Variants in ALCAM observed in about 807,000 individuals in gnomAD.
ALCAM encodes the protein activated leukocyte cell adhesion molecule.
ALCAM carries 30 observed loss-of-function variants against 70.9 expected under a neutral mutation model. That is an observed-to-expected ratio of 0.42 (90% CI 0.32 to 0.57). ALCAM has a LOEUF of 0.57. Among genes scored for constraint, ALCAM ranks in the 20% least tolerant of loss-of-function variants. ALCAM has a pLI of 0.11. For synonymous variants in ALCAM, 249 were observed against 242.5 expected (o/e 1.03, Z -0.25); for missense variants, 591 against 695.1 (o/e 0.85, Z 1.68).
At chr3:105,375,325 A>T (rs906166165) in intron 1 of ALCAM, among the ~76,000 whole-genome samples, 2 of 152,212 alleles carry the variant, frequency 1.3e-5, no homozygotes, top group African/African-American at 4.8e-5. Flanking sequence ...TACAGGCTCC[A>T]CAATAATTTG....
rs551970548 is a variant in ALCAM, at chr3:105,453,167, T to A, written c.74-66900T>A. Among the ~76,000 whole-genome samples the A allele has an allele frequency of 3.9e-4, 59 of 152,348 alleles. 1 individual carries two copies. Among genetic ancestry groups the A allele is most frequent in the African/African-American group, 9.9e-4 (41 of 41,576 alleles). On this transcript the variant is annotated intron_variant, in intron 1 of 15. Transcript: ENST00000306107. ...TTGCCTATGCCTACATCCTGAATGGTATTGCCTAGGTTTTCTTCCAGGGTT... is the reference window on the plus strand; with the variant it reads ...TTGCCTATGCCTACATCCTGAATGGAATTGCCTAGGTTTTCTTCCAGGGTT...
rs1427771711 is a variant in ALCAM at position 105,409,177 on chromosome 3, T to C, written c.73+41696T>C. On this transcript the variant is annotated intron_variant, in intron 1 of 15. Transcript: ENST00000306107. The stretch of plus-strand genomic sequence containing the variant: ...AACTAAAAGTAGATCTACTATTTGA[T>C]CCAGCAATCCCGCCACTAGGTATCT... 2.0e-5 allele frequency among the ~76,000 whole-genome samples: 3 copies of C among 152,086 alleles called. No homozygotes were observed. The East Asian group carries it at 5.8e-4, about 29-fold the overall frequency.
chr3:105,475,887 C>A (rs1280210115), intron 1 of ALCAM, among the ~76,000 whole-genome samples: 1 of 151,832 alleles, frequency 6.6e-6, no homozygotes, highest in Non-Finnish European at 1.5e-5. Context: ...CCTTCCCCAA[C>A]TCTTCTATCA....
At position 105,367,328 on chromosome 3, in the gene ALCAM, C is replaced by G. The variant is rs1935085150; in HGVS notation, c.-81C>G. ...GCCCCTGCGTCGGGACCCGCCAGCG[C>G]GCGGGCACCGCGGGGCCCGGGACGA... On this transcript the variant is annotated 5_prime_UTR_variant, in exon 1 of 16. Coordinates refer to ENST00000306107, the MANE Select transcript of ALCAM (RefSeq NM_001627.4). 1.4e-6 allele frequency: 2 copies of G among 1,466,692 alleles called. No homozygotes were observed. The highest frequency in any genetic ancestry group is 1.9e-6 in the Non-Finnish European group (2 of 1,060,164). 90.9% of individuals were successfully genotyped at this position (1,466,692 alleles called of 1,614,324 possible). A position where few individuals can be genotyped will look rare whatever the true frequency, so the allele number is the denominator to read the frequency against.
At chr3:105,454,021 A>G (rs1046181866) in intron 1 of ALCAM, among the ~76,000 whole-genome samples, 12 of 152,292 alleles carry the variant, frequency 7.9e-5, no homozygotes, top group Non-Finnish European at 1.2e-4. Flanking sequence ...AAATCATCCT[A>G]TGTGCTATCA....
At chr3:105,530,824 TA>T (rs1386929554) in intron 3 of ALCAM, among the ~76,000 whole-genome samples, 3 of 152,056 alleles carry the variant, frequency 2.0e-5, no homozygotes, top group Non-Finnish European at 2.9e-5. Context: ...GTTTCTCATA[TA>T]ATCTAAAGAT....
intron 1 of ALCAM, among the ~76,000 whole-genome samples, chr3:105,378,636 T>G (rs1052822269): frequency 1.3e-5 from 2 of 151,816 alleles, no homozygotes; most frequent in Non-Finnish European, 2.9e-5. Flanking sequence ...ATAGTTTTTT[T>G]TTTTTTTTTG....
In ALCAM at chr3:105,429,578, GTATT is replaced by G. The variant is rs529080478; in HGVS notation, c.73+62100_73+62103del. ...TAAGCTAGCACTATAAACAAAAAGA[GTATT>G]TAAACAGCTGGTATCCCTGTGACCC... On this transcript the variant is annotated intron_variant, in intron 1 of 15. Transcript: ENST00000306107. Among the ~76,000 whole-genome samples, 64 of 152,028 alleles carry G rather than the reference GTATT, an allele frequency of 4.2e-4. 1 individual carries two copies. The highest frequency in any genetic ancestry group is 1.4e-3 in the African/African-American group (58 of 41,516).
chr3:105,469,561 T>C (rs1477018008), intron 1 of ALCAM, among the ~76,000 whole-genome samples: 1 of 151,104 alleles, frequency 6.6e-6, no homozygotes, highest in Non-Finnish European at 1.5e-5. Flanking sequence ...CTAGGTGAGT[T>C]TGGGTGAGTT....
chr3:105,534,176 T>C (rs1395219724), intron 5 of ALCAM, among the ~76,000 whole-genome samples: 1 of 151,896 alleles, frequency 6.6e-6, no homozygotes, highest in Non-Finnish European at 1.5e-5. Flanking sequence ...CCATGGGGAG[T>C]GGCTGTAAAT....
chr3:105,515,737 G>A (rs1007906923), intron 1 of ALCAM, among the ~76,000 whole-genome samples: 3 of 152,160 alleles, frequency 2.0e-5, no homozygotes, highest in Admixed American at 6.5e-5. Flanking sequence ...GAGAAACACC[G>A]CTATAAACTA....
rs760157001 is a variant in ALCAM at position 105,539,997 on chromosome 3, A to G, written c.753A>G (p.Ile251Met). 7 of 1,612,396 alleles carry G rather than the reference A, an allele frequency of 4.3e-6. No individual in the cohort carries two copies. Among genetic ancestry groups the G allele is most frequent in the African/African-American group, 1.3e-5 (1 of 74,804 alleles). The change falls in exon 7 of 16, where the codon ATA (isoleucine) becomes ATG (methionine). Residue 251 changes from isoleucine to methionine, a missense_variant. By Grantham distance (10) the Ile-to-Met change is conservative. Transcript: ENST00000306107. The part of the protein sequence containing the change: ...DIYYPTEQVT[I>M]QVLPPKNAIK... ...CAGATCCTACAGAGCAGGTGACAAT[A>G]CAAGTGCTGCCACCAAAAAATGCCA... is the stretch of plus-strand genomic sequence containing the variant.
rs533185077 is a variant in ALCAM at position 105,569,901 on chromosome 3, G to A, written c.1665-1951G>A. Reference sequence around the variant, plus strand: ...ATACTTTCTAGGATGTCAATTAGAAGCCTGAAAGAACCATGCCTTAGGAAT... The same window carrying A: ...ATACTTTCTAGGATGTCAATTAGAAACCTGAAAGAACCATGCCTTAGGAAT... On this transcript the variant is annotated intron_variant, in intron 14 of 15. Coordinates refer to ENST00000306107, the MANE Select transcript of ALCAM (RefSeq NM_001627.4). Among the ~76,000 whole-genome samples, 7 of 152,228 alleles carry A rather than the reference G, an allele frequency of 4.6e-5. No individual in the cohort carries two copies. In the East Asian group the frequency reaches 1.4e-3, roughly 29 times the overall value.
At chr3:105,566,504 G>A (rs1238173526) in intron 14 of ALCAM, among the ~76,000 whole-genome samples, 1 of 151,846 alleles carries the variant, frequency 6.6e-6, no homozygotes, top group African/African-American at 2.4e-5. Flanking sequence ...TGTTTTCTAG[G>A]AATCTTCTGT....
intron 14 of ALCAM, 83 bp downstream of exon 14, chr3:105,552,668 C>T (rs1940438428): frequency 1.3e-6 from 2 of 1,598,050 alleles, no homozygotes; most frequent in Non-Finnish European, 1.7e-6. Context: ...TCACTCCAGT[C>T]GTGCATATAA....
chr3:105,450,475 C>T (rs1937400170), intron 1 of ALCAM, among the ~76,000 whole-genome samples: 1 of 152,168 alleles, frequency 6.6e-6, no homozygotes, highest in Non-Finnish European at 1.5e-5. Context: ...GGATTTAATA[C>T]ACTTTGAATC....
intron 9 of ALCAM, among the ~76,000 whole-genome samples, chr3:105,545,848 T>C (rs1940233705): frequency 1.3e-5 from 2 of 151,446 alleles, no homozygotes; most frequent in South Asian, 4.1e-4. Flanking sequence ...AGACACCTTT[T>C]GTCTCTCTGC....
At chr3:105,459,523 A>G (rs962264745) in intron 1 of ALCAM, among the ~76,000 whole-genome samples, 3 of 152,038 alleles carry the variant, frequency 2.0e-5, no homozygotes, top group Non-Finnish European at 4.4e-5. Flanking sequence ...GGTGGGCAAT[A>G]AATTGATGGC....
At chr3:105,513,387 T>A (rs1174093742) in intron 1 of ALCAM, 1 of 151,914 alleles carries the variant, frequency 6.6e-6, no homozygotes, top group Non-Finnish European at 1.5e-5. Context: ...GTGTACTTTT[T>A]TCCATCTATA....
Sources: allele counts gnomAD v4.1 joint callset (sites outside exome capture counted in the v4.1 genomes callset), GRCh38; gene constraint gnomAD v4.1.1; transcripts MANE v1.5; gene names NCBI Gene and HGNC (gene_info 2026-07-23, HGNC 2026-07-21).